EIPR1: variants seen among roughly 807,000 people sequenced by gnomAD.
EIPR1 encodes the protein EARP and GARP complex-interacting protein 1.
Under a neutral mutation model 48.1 loss-of-function variants are expected in EIPR1, and 25 were observed. The observed-to-expected ratio is 0.52, with a 90% CI of 0.38 to 0.73. The LOEUF is 0.73. Ranked by LOEUF, EIPR1 falls within the 30% of genes least tolerant of loss-of-function variation. EIPR1 has a pLI of 0.00. For synonymous variants in EIPR1, 204 were observed against 201.9 expected, an observed-to-expected ratio of 1.01 and a Z score of -0.09; for missense variants, 415 against 506.2, an observed-to-expected ratio of 0.82 and a Z score of 1.73.
At chr2:3,352,518 G>T (rs1037129470) in intron 2 of EIPR1, among the ~76,000 whole-genome samples, 1 of 152,256 alleles carries the variant, frequency 6.6e-6, no homozygotes, top group Admixed American at 6.5e-5. Context: ...CACACTGTCT[G>T]TTCCTGACAT....
intron 2 of EIPR1, among the ~76,000 whole-genome samples, chr2:3,346,692 C>T (rs916024171): frequency 6.6e-6 from 1 of 152,154 alleles, no homozygotes; most frequent in Non-Finnish European, 1.5e-5. Context: ...AGAGAAAAGG[C>T]ATCAATTAGT....
At chr2:3,198,648 T>G (rs1172005212) in intron 5 of EIPR1, among the ~76,000 whole-genome samples, 1 of 152,002 alleles carries the variant, frequency 6.6e-6, no homozygotes, top group East Asian at 1.9e-4. Flanking sequence ...AAGCTGGGTG[T>G]CTGGGGGAGA....
rs1669936732 is a variant in EIPR1 at position 3,332,700 on chromosome 2, T to C, written c.259+5317A>G. ...ATGGAGATGCATTTTTCTTATCAAATTATCAGAAAGGAGAGTTCAAGTTCT... is the reference window on the plus strand; with the variant it reads ...ATGGAGATGCATTTTTCTTATCAAACTATCAGAAAGGAGAGTTCAAGTTCT... On this transcript the variant is annotated intron_variant, in intron 3 of 8. Transcript: ENST00000382125. Among the ~76,000 whole-genome samples the C allele has an allele frequency of 2.0e-5, 3 of 152,230 alleles. No homozygotes were observed. The South Asian group carries it at 6.2e-4, about 31-fold the overall frequency.
Position 3,295,894 on chromosome 2 carries a change from AT to A in EIPR1, c.260-38440del, listed in dbSNP as rs570329856. ...TCTGCACACACCCTCCATCCAGCCC[AT>A]TCTCTCTTTACACACCCTCCATCCA... On this transcript the variant is annotated intron_variant, in intron 3 of 8. Coordinates refer to ENST00000382125, the MANE Select transcript of EIPR1 (RefSeq NM_003310.5). Among the ~76,000 whole-genome samples the A allele has an allele frequency of 2.1e-3, 139 of 65,210 alleles. 1 individual carries two copies. Among genetic ancestry groups the A allele is most frequent in the African/African-American group, 8.3e-3 (130 of 15,672 alleles). 42.8% of individuals were successfully genotyped at this position (65,210 alleles called of 152,430 possible).
intron 7 of EIPR1, among the ~76,000 whole-genome samples, chr2:3,193,146 T>C (rs945261676): frequency 6.6e-6 from 1 of 152,190 alleles, no homozygotes; most frequent in Non-Finnish European, 1.5e-5. Flanking sequence ...TGCCAGGCCC[T>C]TGACGCTAGG....
intron 1 of EIPR1, among the ~76,000 whole-genome samples, chr2:3,367,871 AC>A (rs749012243): frequency 1.8e-4 from 28 of 151,774 alleles, no homozygotes; most frequent in African/African-American, 2.9e-4. Flanking sequence ...ACACCCTGAA[AC>A]CCCCTCTCTA....
chr2:3,350,719 G>A (rs1670546683), intron 2 of EIPR1, among the ~76,000 whole-genome samples: 1 of 152,058 alleles, frequency 6.6e-6, no homozygotes, highest in South Asian at 2.1e-4. Context: ...GACAAAACCA[G>A]CAAGTCAAAA....
chr2:3,189,386 C>A lies in EIPR1; in HGVS notation c.1112G>T (p.Arg371Met). The change falls in exon 9 of 9, where the codon AGG becomes ATG. Residue 371 changes from arginine to methionine, a missense_variant. By Grantham distance (91) the Arg-to-Met change is moderately conservative. Transcript: ENST00000382125. The surrounding 1 kb of genome is among the most constrained non-coding windows in gnomAD (Gnocchi z 4.6). ...WLFASLSYDG[R>M]LVINRVPRAL... is the part of the protein sequence containing the mutation. Reference sequence around the variant, plus strand: ...CCTGGGCACCCTGTTGATCACGAGCCTCCCGTCATAGCTCAGGGAGGCAAA... The same window carrying A: ...CCTGGGCACCCTGTTGATCACGAGCATCCCGTCATAGCTCAGGGAGGCAAA... 1 of 1,603,048 alleles carries A rather than the reference C, an allele frequency of 6.2e-7. No individual in the cohort carries two copies. Among genetic ancestry groups the A allele is most frequent in the Non-Finnish European group, 8.5e-7 (1 of 1,173,672 alleles).
At chr2:3,205,542 G>T (rs537537210) in intron 5 of EIPR1, among the ~76,000 whole-genome samples, 1 of 152,340 alleles carries the variant, frequency 6.6e-6, no homozygotes, top group African/African-American at 2.4e-5. Context: ...TTATTTCCAA[G>T]CTTCTTGTTA....
At chr2:3,336,938 G>C (rs1446428083) in intron 3 of EIPR1, among the ~76,000 whole-genome samples, 1 of 101,086 alleles carries the variant, frequency 9.9e-6, no homozygotes, top group Non-Finnish European at 2.1e-5. Flanking sequence ...GAAGGGAAAA[G>C]GGAAGGGAAG....
At chr2:3,294,300 T>C (rs1193231733) in intron 3 of EIPR1, among the ~76,000 whole-genome samples, 7 of 148,596 alleles carry the variant, frequency 4.7e-5, no homozygotes, top group Non-Finnish European at 7.4e-5. Flanking sequence ...ACACCCTCCA[T>C]CCAGCCGATC....
chr2:3,259,842 A>T (rs993039849), intron 3 of EIPR1, among the ~76,000 whole-genome samples: 4 of 152,264 alleles, frequency 2.6e-5, no homozygotes, highest in African/African-American at 9.6e-5. Flanking sequence ...GGTCTTTTCA[A>T]TAAATGATGC....
At chr2:3,340,598 T>A (rs1670209683) in intron 2 of EIPR1, among the ~76,000 whole-genome samples, 2 of 152,270 alleles carry the variant, frequency 1.3e-5, no homozygotes, top group African/African-American at 4.8e-5. Context: ...CTGTTACACA[T>A]TTTATAATAT....
chr2:3,350,215 G>T (rs1468811055), intron 2 of EIPR1, among the ~76,000 whole-genome samples: 2 of 151,730 alleles, frequency 1.3e-5, no homozygotes, highest in Admixed American at 6.6e-5. Flanking sequence ...CTATACAGGG[G>T]ACATGGCTGG....
Position 3,189,699 on chromosome 2 carries a change from GAA to G in EIPR1, c.990-193_990-192del, listed in dbSNP as rs1664536240. Among the ~76,000 whole-genome samples, 2 of 152,180 alleles carry G rather than the reference GAA, an allele frequency of 1.3e-5. No individual in the cohort carries two copies. Among genetic ancestry groups the G allele is most frequent in the Non-Finnish European group, 2.9e-5 (2 of 68,036 alleles). ...GTGGGGTGGTCCCTGCAGAAGCCCA[GAA>G]ACCCTCACTGTCACTGTGAGGAGTG... On this transcript the variant is annotated intron_variant, in intron 8 of 8. Transcript: ENST00000382125. This position sits in a 1 kb window ranked among gnomAD's most constrained non-coding sequence, Gnocchi z 4.6.
At position 3,196,948 on chromosome 2, in the gene EIPR1, GA is replaced by G; in HGVS notation, c.585del (p.His196IlefsTer22). 1 of 1,613,986 alleles carries G rather than the reference GA, an allele frequency of 6.2e-7. No homozygotes were observed. The highest frequency in any genetic ancestry group is 8.5e-7 in the Non-Finnish European group (1 of 1,180,044). On this transcript the variant is annotated frameshift_variant, in exon 6 of 9. Transcript: ENST00000382125. LOFTEE classifies it high-confidence loss of function. ...GCTGTGGCCACCTGGGTGCAGTTAT[GA>G]TGTGGGCTCCACCGTCCTGAGGTGA... ...LKFTSGRWSP[H>X]HNCTQVATAN...
At chr2:3,340,311 G>C (rs1020821110) in intron 2 of EIPR1, among the ~76,000 whole-genome samples, 1 of 152,232 alleles carries the variant, frequency 6.6e-6, no homozygotes, top group Non-Finnish European at 1.5e-5. Context: ...CCAGCACCGG[G>C]TCCTGGGGCC....
At chr2:3,365,426 C>T (rs1271981888) in intron 1 of EIPR1, among the ~76,000 whole-genome samples, 7 of 151,888 alleles carry the variant, frequency 4.6e-5, no homozygotes, top group African/African-American at 1.5e-4. Flanking sequence ...GAGCCACGAT[C>T]GCACTACTGC....
chr2:3,322,280 T>G (rs1428110065), intron 3 of EIPR1, among the ~76,000 whole-genome samples: 2 of 152,216 alleles, frequency 1.3e-5, no homozygotes, highest in Non-Finnish European at 2.9e-5. Flanking sequence ...GTGTCGCTCA[T>G]GTCTGCCCCA....
Sources: gnomAD v4.1 joint callset for allele counts (sites outside exome capture counted in the v4.1 genomes callset) on GRCh38, gnomAD v4.1.1 for gene constraint, Gnocchi (gnomAD v3.1) non-coding constraint, MANE v1.5 for transcripts, NCBI Gene and HGNC (gene_info 2026-07-23, HGNC 2026-07-21) for gene names.